RETREG1: variants seen among roughly 807,000 people sequenced by gnomAD.
RETREG1 encodes reticulophagy regulator 1.
RETREG1 carries 44 observed loss-of-function variants against 54.8 expected under a neutral mutation model. The ratio of observed to expected loss-of-function variants is 0.80; its 90% CI spans 0.63 to 1.03. The LOEUF (loss-of-function observed/expected upper bound fraction) is 1.03. RETREG1 is among the 50% of genes least tolerant of loss of function. RETREG1 has a pLI of 0.00. For missense variants in RETREG1, 554 were observed against 605.1 expected (o/e 0.92, Z 0.89); for synonymous variants, 217 against 238.5 (o/e 0.91, Z 0.83).
intron 1 of RETREG1, among the ~76,000 whole-genome samples, chr5:16,605,087 GA>G (rs1394555389): frequency 6.6e-6 from 1 of 152,172 alleles, no homozygotes; most frequent in African/African-American, 2.4e-5. Context: ...CTGCACTGAA[GA>G]AATGGCCAAA....
intron 1 of RETREG1, among the ~76,000 whole-genome samples, chr5:16,581,589 C>A (rs1317507778): frequency 6.6e-6 from 1 of 151,732 alleles, no homozygotes; most frequent in Non-Finnish European, 1.5e-5. Context: ...GGACCACTGG[C>A]CCTTGTCTTT....
At chr5:16,506,520 T>TTGGA (rs1739963976) in intron 3 of RETREG1, among the ~76,000 whole-genome samples, 1 of 150,392 alleles carries the variant, frequency 6.6e-6, no homozygotes, top group African/African-American at 2.5e-5. Context: ...GTCACCCAGG[T>TTGGA]TGGAGTACAG....
At position 16,561,435 on chromosome 5, in the gene RETREG1, T is replaced by C. The variant is rs573006897; in HGVS notation, c.458+4328A>G. On this transcript the variant is annotated intron_variant, in intron 3 of 8. Coordinates refer to ENST00000306320, the MANE Select transcript of RETREG1 (RefSeq NM_001034850.3). The surrounding 1 kb of genome is among the most constrained non-coding windows in gnomAD (Gnocchi z 4.2). ...TGGCATGAACCTGGGAGGTGGAGCT[T>C]GCAGAGAGCCAAGATCGCTCTACCA... Among the ~76,000 whole-genome samples, 1 of 151,920 alleles carries C rather than the reference T, an allele frequency of 6.6e-6. No homozygotes were observed. Among genetic ancestry groups the C allele is most frequent in the East Asian group, 1.9e-4 (1 of 5,150 alleles).
intron 3 of RETREG1, among the ~76,000 whole-genome samples, chr5:16,524,026 A>G (rs1740621331): frequency 6.6e-6 from 1 of 151,932 alleles, no homozygotes; most frequent in South Asian, 2.1e-4. Flanking sequence ...AACTGGTCCA[A>G]CCCTGCCCCG....
At chr5:16,584,750 T>A (rs1003408977) in intron 1 of RETREG1, among the ~76,000 whole-genome samples, 1 of 152,142 alleles carries the variant, frequency 6.6e-6, no homozygotes, top group African/African-American at 2.4e-5. Flanking sequence ...TGTGCACTAT[T>A]AAGGAAAAAA....
At chr5:16,606,036 C>G (rs1743182369) in intron 1 of RETREG1, among the ~76,000 whole-genome samples, 1 of 152,138 alleles carries the variant, frequency 6.6e-6, no homozygotes, top group Non-Finnish European at 1.5e-5. Context: ...AGCCTGAGAA[C>G]CAAAACACAG....
intron 3 of RETREG1, among the ~76,000 whole-genome samples, chr5:16,518,437 C>T (rs372928251): frequency 4.0e-5 from 6 of 151,718 alleles, no homozygotes; most frequent in Admixed American, 1.3e-4. Flanking sequence ...CAAGGACCTA[C>T]ACTATGGTTT....
At chr5:16,614,144 TA>T (rs1246617196) in intron 1 of RETREG1, among the ~76,000 whole-genome samples, 1 of 152,190 alleles carries the variant, frequency 6.6e-6, no homozygotes, top group African/African-American at 2.4e-5. Flanking sequence ...TCAGTATAAA[TA>T]AAATGGATGG....
At chr5:16,576,239 T>C (rs1039292039) in intron 1 of RETREG1, among the ~76,000 whole-genome samples, 1 of 152,076 alleles carries the variant, frequency 6.6e-6, no homozygotes, top group Non-Finnish European at 1.5e-5. Context: ...AAACATCATG[T>C]AATTTAATCT....
At chr5:16,475,912 T>C (rs2126507476) in intron 8 of RETREG1, among the ~76,000 whole-genome samples, 1 of 152,338 alleles carries the variant, frequency 6.6e-6, no homozygotes, top group African/African-American at 2.4e-5. Flanking sequence ...TAAAATCTTT[T>C]AATATAACAG....
At chr5:16,604,168 A>G (rs1428194532) in intron 1 of RETREG1, among the ~76,000 whole-genome samples, 1 of 152,224 alleles carries the variant, frequency 6.6e-6, no homozygotes, top group Non-Finnish European at 1.5e-5. Context: ...GGAAGAAGTC[A>G]TATTGAATTA....
Position 16,474,669 on chromosome 5 carries a change from CTTTT to C in RETREG1, c.*68_*71del, listed in dbSNP as rs200951949. 1.1e-4 allele frequency: 137 copies of C among 1,263,912 alleles called. No homozygotes were observed. The highest frequency in any genetic ancestry group is 1.8e-4 in the Admixed American group (7 of 39,110). 78.3% of individuals were successfully genotyped at this position (1,263,912 alleles called of 1,614,324 possible). ...CTTACAGTTCAATTTTTTTCTTTTC[CTTTT>C]TTTTTTTTTTTTCTTGTTTGAAATT... On this transcript the variant is annotated 3_prime_UTR_variant, in exon 9 of 9. Coordinates refer to ENST00000306320, the MANE Select transcript of RETREG1 (RefSeq NM_001034850.3).
At chr5:16,497,906 A>C (rs1194523532) in intron 3 of RETREG1, among the ~76,000 whole-genome samples, 5 of 152,160 alleles carry the variant, frequency 3.3e-5, no homozygotes, top group Non-Finnish European at 7.4e-5. Context: ...CCCCTCTCCT[A>C]TGCCCAAAAA....
intron 3 of RETREG1, among the ~76,000 whole-genome samples, chr5:16,522,117 C>A (rs974405110): frequency 5.3e-5 from 8 of 152,076 alleles, no homozygotes; most frequent in African/African-American, 1.9e-4. Context: ...TGTTTCTGGA[C>A]CACCACCCTG....
At chr5:16,598,564 A>G (rs188561355) in intron 1 of RETREG1, among the ~76,000 whole-genome samples, 2 of 152,354 alleles carry the variant, frequency 1.3e-5, no homozygotes, top group African/African-American at 4.8e-5. Flanking sequence ...ACAACTCACA[A>G]AAGTGTGACC....
At chr5:16,578,663 A>G (rs1473307822) in intron 1 of RETREG1, among the ~76,000 whole-genome samples, 1 of 152,182 alleles carries the variant, frequency 6.6e-6, no homozygotes, top group Non-Finnish European at 1.5e-5. Flanking sequence ...CCTCTACTTA[A>G]ATAGATCTCA....
chr5:16,488,596 G>A (rs1739109859), intron 3 of RETREG1, among the ~76,000 whole-genome samples: 1 of 152,158 alleles, frequency 6.6e-6, no homozygotes, highest in South Asian at 2.1e-4. Context: ...GAGGAGCCCG[G>A]AGGCCAGGAA....
At chr5:16,607,626 C>CA (rs905866487) in intron 1 of RETREG1, among the ~76,000 whole-genome samples, 6 of 151,434 alleles carry the variant, frequency 4.0e-5, no homozygotes, top group Admixed American at 3.9e-4. Flanking sequence ...TTTAAAAAAA[C>CA]AAAAAAAGAA....
chr5:16,508,810 G>A (rs1455859300), intron 3 of RETREG1: 4 of 1,448,188 alleles, frequency 2.8e-6, no homozygotes, highest in Non-Finnish European at 3.6e-6. Context: ...AACTTCCAAA[G>A]CGCCTGCCTC....
Sources: allele counts gnomAD v4.1 joint callset (sites outside exome capture counted in the v4.1 genomes callset), GRCh38; gene constraint gnomAD v4.1.1; non-coding constraint Gnocchi (gnomAD v3.1); transcripts MANE v1.5; gene names NCBI Gene and HGNC (gene_info 2026-07-23, HGNC 2026-07-21).